ULK4: variants seen among roughly 807,000 people sequenced by gnomAD.
The protein encoded by ULK4 is inactive serine/threonine-protein kinase ULK4.
In ULK4, 133 loss-of-function variants were observed where a neutral mutation model predicts 160.6. The ratio of observed to expected loss-of-function variants is 0.83; its 90% confidence interval spans 0.72 to 0.96. ULK4 has a LOEUF of 0.96. ULK4 is among the 40% of genes least tolerant of loss of function. The probability of loss-of-function intolerance (pLI) is 0.00; values close to 1 mark genes in which losing one functional copy is unlikely to be tolerated. For synonymous variants in ULK4, 534 were observed against 539.8 expected, an observed-to-expected ratio of 0.99 and a Z score of 0.15; for missense variants, 1,580 against 1,499.5, an observed-to-expected ratio of 1.05 and a Z score of -0.89.
intron 17 of ULK4, among the ~76,000 whole-genome samples, chr3:41,879,071 A>G (rs1697415724): frequency 6.6e-6 from 1 of 152,238 alleles, no homozygotes; most frequent in African/African-American, 2.4e-5. Context: ...TGTAACAAAT[A>G]AATGACACTA....
At chr3:41,300,837 T>TTATATATATATATA (rs66602936) in intron 35 of ULK4, among the ~76,000 whole-genome samples, 14 of 57,866 alleles carry the variant, frequency 2.4e-4, no homozygotes, top group Non-Finnish European at 3.6e-4. Flanking sequence ...ATTTTACAGA[T>TTATATATATATATA]TATATATATA....
intron 30 of ULK4, among the ~76,000 whole-genome samples, chr3:41,620,503 A>G (rs1335687813): frequency 6.6e-6 from 1 of 152,174 alleles, no homozygotes; most frequent in East Asian, 1.9e-4. Context: ...TAAAAATAAC[A>G]AATGACAAAA....
intron 25 of ULK4, 120 bp downstream of exon 25, chr3:41,715,117 C>T (rs1180652029): frequency 2.0e-6 from 2 of 1,000,632 alleles, no homozygotes; most frequent in African/African-American, 3.2e-5. Flanking sequence ...AAGGTCACTT[C>T]CCTAGAGACA....
At chr3:41,831,531 A>ATAGAGAGAGATATAT in intron 18 of ULK4, among the ~76,000 whole-genome samples, 1,955 of 138,118 alleles carry the variant, frequency 0.014, 99 homozygotes, top group African/African-American at 0.051. Context: ...ATATATATAT[A>ATAGAGAGAGATATAT]TTTTTTTTTC....
chr3:41,682,770 C>T (rs535566802), intron 27 of ULK4, among the ~76,000 whole-genome samples: 3 of 152,282 alleles, frequency 2.0e-5, no homozygotes, highest in African/African-American at 7.2e-5. Flanking sequence ...TCATGCTTCA[C>T]CAAGGTACTT....
chr3:41,437,826 G>A (rs1229931455), intron 34 of ULK4, among the ~76,000 whole-genome samples: 3 of 152,150 alleles, frequency 2.0e-5, no homozygotes, highest in African/African-American at 7.2e-5. Context: ...ACCACAGAAA[G>A]ACTTCTTGAA....
chr3:41,458,503 G>A (rs779981196), intron 33 of ULK4, among the ~76,000 whole-genome samples: 2 of 152,116 alleles, frequency 1.3e-5, no homozygotes, highest in East Asian at 1.9e-4. Context: ...TTGGGAGGCC[G>A]AGGCGGGTGG....
At chr3:41,781,675 A>C (rs2125583596) in intron 21 of ULK4, among the ~76,000 whole-genome samples, 1 of 152,342 alleles carries the variant, frequency 6.6e-6, no homozygotes, top group Non-Finnish European at 1.5e-5. Context: ...GCAGTGGCTC[A>C]TGCCTGTAAT....
At chr3:41,815,276 T>C (rs1483115181) in intron 19 of ULK4, among the ~76,000 whole-genome samples, 1 of 152,220 alleles carries the variant, frequency 6.6e-6, no homozygotes, top group Admixed American at 6.5e-5. Flanking sequence ...GTTGGCACAG[T>C]TTCATTTATA....
chr3:41,440,199 G>A (rs1217145886), intron 34 of ULK4, among the ~76,000 whole-genome samples: 1 of 151,938 alleles, frequency 6.6e-6, no homozygotes, highest in East Asian at 1.9e-4. Flanking sequence ...TATTTTTCTT[G>A]TTTGATTGCA....
At chr3:41,511,747 T>C (rs1021567637) in intron 32 of ULK4, among the ~76,000 whole-genome samples, 1 of 152,138 alleles carries the variant, frequency 6.6e-6, no homozygotes, top group Non-Finnish European at 1.5e-5. Flanking sequence ...AGTGACACTA[T>C]TCCATAGAAT....
intron 31 of ULK4, among the ~76,000 whole-genome samples, chr3:41,567,756 C>T (rs2087834731): frequency 6.6e-6 from 1 of 152,040 alleles, no homozygotes; most frequent in African/African-American, 2.4e-5. Context: ...AGCCACCACG[C>T]CTGGCATTTA....
intron 35 of ULK4, among the ~76,000 whole-genome samples, chr3:41,378,391 A>G: frequency 6.6e-6 from 1 of 151,802 alleles, no homozygotes; most frequent in Middle Eastern, 3.4e-3. Flanking sequence ...AGAAAAAAAG[A>G]ATAAATAAAT....
chr3:41,367,280 TCTC>T (rs1213710439), intron 35 of ULK4, among the ~76,000 whole-genome samples: 1 of 152,174 alleles, frequency 6.6e-6, no homozygotes, highest in African/African-American at 2.4e-5. Context: ...TTGGGGATCT[TCTC>T]CTAAGTAGAT....
At chr3:41,918,702 G>C (rs557756741) in intron 6 of ULK4, among the ~76,000 whole-genome samples, 162 bp from the exon 7 acceptor site, 8 of 146,956 alleles carry the variant, frequency 5.4e-5, no homozygotes, top group East Asian at 2.0e-4. Flanking sequence ...CCTGGGTTCA[G>C]GCCACTCTCC....
rs2036828112 is a variant in ULK4, at chr3:41,705,159, TAC to T, written c.2687-10_2687-9del. On this transcript the variant is annotated splice_polypyrimidine_tract_variant and intron_variant, in intron 26 of 36. Transcript: ENST00000301831. ...CTTCTGATGCTGTCAGTCCTAGAAA[TAC>T]AGTTAATTATTATAGGTGTTTATTT... 3 of 1,610,614 alleles carry T rather than the reference TAC, an allele frequency of 1.9e-6. No individual in the cohort carries two copies. The highest frequency in any genetic ancestry group is 1.7e-6 in the Non-Finnish European group (2 of 1,177,992).
rs572230885 is a variant in ULK4, at chr3:41,960,938, A to G, written c.-49+1078T>C. On this transcript the variant is annotated intron_variant, in intron 1 of 36. Transcript: ENST00000301831. The stretch of plus-strand genomic sequence containing the variant: ...GCAGCCCCTCTGTGAGCCTGTCTCA[A>G]TCACCACCCCTCCTGATCCCCAAAA... Among the ~76,000 whole-genome samples, 121 of 152,192 alleles carry G rather than the reference A, an allele frequency of 8.0e-4. 1 individual carries two copies. The Middle Eastern group carries it at 0.02, about 26-fold the overall frequency.
At chr3:41,489,119 T>A (rs2125904329) in intron 32 of ULK4, among the ~76,000 whole-genome samples, 1 of 152,302 alleles carries the variant, frequency 6.6e-6, no homozygotes, top group South Asian at 2.1e-4. Context: ...TTCTCAAATA[T>A]GCCAATTTCT....
At chr3:41,829,435 C>G (rs942674918) in intron 18 of ULK4, among the ~76,000 whole-genome samples, 2 of 138,348 alleles carry the variant, frequency 1.4e-5, no homozygotes, top group African/African-American at 3.0e-5. Context: ...ACAATGAACT[C>G]AAATTTACAA....
Sources: gnomAD v4.1 joint callset for allele counts (sites outside exome capture counted in the v4.1 genomes callset) on GRCh38, gnomAD v4.1.1 for gene constraint, MANE v1.5 for transcripts, NCBI Gene and HGNC (gene_info 2026-07-23, HGNC 2026-07-21) for gene names.